The following SH3TC1 variants were observed in gnomAD, a reference collection of about 807,000 sequenced individuals.
The protein encoded by SH3TC1 is SH3 domain and tetratricopeptide repeat-containing protein 1.
SH3TC1 carries 135 observed loss-of-function variants against 117.3 expected under a neutral mutation model. The ratio of observed to expected loss-of-function variants is 1.15; its 90% CI spans 1.00 to 1.33. The LOEUF (loss-of-function observed/expected upper bound fraction) is 1.33, where lower values mean the gene tolerates loss of function less well. Among genes scored for constraint, SH3TC1 ranks in the 40% most tolerant of loss-of-function variants. The pLI is 0.00. For missense variants in SH3TC1, 2,092 were observed against 1,794.3 expected, an observed-to-expected ratio of 1.17 and a Z score of -3.00; for synonymous variants, 898 against 816.9, an observed-to-expected ratio of 1.10 and a Z score of -1.69.
chr4:8,239,235 C>G (rs1722093721), intron 17 of SH3TC1, among the ~76,000 whole-genome samples: 2 of 145,150 alleles, frequency 1.4e-5, no homozygotes, highest in African/African-American at 5.3e-5. Context: ...CACATGCACG[C>G]TGCACGCACA....
chr4:8,220,347 G>A (rs1488944894), intron 9 of SH3TC1, among the ~76,000 whole-genome samples: 2 of 151,850 alleles, frequency 1.3e-5, no homozygotes, highest in South Asian at 2.1e-4. Context: ...CCTGAACCCC[G>A]TGTTCTCCTG....
In SH3TC1 at chr4:8,209,702, G is replaced by A; in HGVS notation, c.173-46G>A. ...CGTTTGGCGCCTTCAGAGGAGCCAG[G>A]CCTTTGCTTGGTCTCCCCTAATCCT... On this transcript the variant is annotated intron_variant, in intron 2 of 17. Transcript: ENST00000245105. This position sits in a 1 kb window ranked among gnomAD's most constrained non-coding sequence, Gnocchi z 5.9. 6.2e-7 allele frequency: 1 copy of A among 1,612,078 alleles called. No homozygotes were observed.
chr4:8,217,066 A>C lies in SH3TC1; in HGVS notation c.738A>C (p.Gly246=), dbSNP rs1179291153. Residue 246 remains glycine, a synonymous_variant, in exon 7 of 18, where the codon GGA becomes GGC. Coordinates refer to ENST00000245105, the MANE Select transcript of SH3TC1 (RefSeq NM_018986.5). ...ALRQASGAPQ[G]EAAPETDSSP... ...GGCAGGCTTCGGGGGCACCCCAGGG[A>C]GAGGCGGCCCCGGAAACAGACTCTT... 2 of 1,612,940 alleles carry C rather than the reference A, an allele frequency of 1.2e-6. No individual in the cohort carries two copies. Among genetic ancestry groups the C allele is most frequent in the South Asian group, 2.2e-5 (2 of 90,940 alleles).
chr4:8,202,462 C>G (rs1343491674), intron 1 of SH3TC1, among the ~76,000 whole-genome samples: 1 of 152,252 alleles, frequency 6.6e-6, no homozygotes, highest in Non-Finnish European at 1.5e-5. Flanking sequence ...AACAGCTTCC[C>G]CGGAGGGTCT....
chr4:8,197,708 G>T (rs1717604377), upstream of SH3TC1, among the ~76,000 whole-genome samples: 1 of 102,098 alleles, frequency 9.8e-6, no homozygotes, highest in East Asian at 3.2e-4. Context: ...CCATCCTCGA[G>T]TTCTTTTCAG....
At chr4:8,199,190 C>T (rs1717671649), upstream of SH3TC1, 1 of 152,308 alleles carries the variant, frequency 6.6e-6, no homozygotes, top group Admixed American at 6.5e-5. Context: ...GCCTGCCTCT[C>T]CGTCACCGGC....
Position 8,227,333 on chromosome 4 carries a change from C to T in SH3TC1, c.1639C>T (p.Arg547Trp), listed in dbSNP as rs368778454. 3.7e-5 allele frequency: 59 copies of T among 1,605,216 alleles called. No individual in the cohort carries two copies. The highest frequency in any genetic ancestry group is 2.5e-4 in the East Asian group (11 of 44,802). The change falls in exon 12 of 18, where the codon CGG becomes TGG. Residue 547 changes from arginine (R) to tryptophan (W), a missense_variant. Coordinates refer to ENST00000245105, the MANE Select transcript of SH3TC1 (RefSeq NM_018986.5). The stretch of plus-strand genomic sequence containing the variant: ...GCTGACTGGGCGCCTGGCACAGGCC[C>T]GGGGGGCGGCCAAGAAAGCTGGCCT... ...EELTGRLAQARGAAKKAGLLM... is the reference protein window; with the variant it reads ...EELTGRLAQAWGAAKKAGLLM...
intron 1 of SH3TC1, among the ~76,000 whole-genome samples, chr4:8,188,957 C>G (rs141719325): frequency 1.1e-3 from 162 of 152,346 alleles, no homozygotes; most frequent in African/African-American, 3.7e-3. Context: ...ACACGTGGCT[C>G]GACACATGAG....
In SH3TC1 at chr4:8,227,989, T is replaced by G. The variant is rs1242470363; in HGVS notation, c.2295T>G (p.Thr765=). 6.2e-7 allele frequency: 1 copy of G among 1,612,206 alleles called. No individual in the cohort carries two copies. Among genetic ancestry groups the G allele is most frequent in the South Asian group, 1.1e-5 (1 of 91,034 alleles). The part of the protein sequence containing the change: ...APQPHSLPAQ[T]SHYLRQALAS... The stretch of plus-strand genomic sequence containing the variant: ...AGCCCCACAGCCTCCCTGCCCAAAC[T>G]TCCCACTACCTCAGGCAAGCGCTGG... Residue 765 remains threonine, a synonymous_variant, in exon 12 of 18, where the codon ACT becomes ACG. Transcript: ENST00000245105.
Position 8,227,567 on chromosome 4 carries a change from C to T in SH3TC1, c.1873C>T (p.Pro625Ser), listed in dbSNP as rs779326401. 2 of 1,522,336 alleles carry T rather than the reference C, an allele frequency of 1.3e-6. No homozygotes were observed. Among genetic ancestry groups the T allele is most frequent in the East Asian group, 4.5e-5 (2 of 44,174 alleles). The allele number at this position is 1,522,336 out of a possible 1,614,324, so 94.3% of individuals were successfully genotyped here. A position where few individuals can be genotyped will look rare whatever the true frequency, so the allele number is the denominator to read the frequency against. ...CCGGGAGAAGTGTGCACAGGTGGTGCCCAAAGCCATGGCCCTGCTCCTGGG... is the reference window on the plus strand; with the variant it reads ...CCGGGAGAAGTGTGCACAGGTGGTGTCCAAAGCCATGGCCCTGCTCCTGGG... ...KNREKCAQVV[P>S]KAMALLLGTP... The change falls in exon 12 of 18, where the codon CCC becomes TCC. Residue 625 changes from proline to serine, a missense_variant. Physicochemically the swap from Pro to Ser is moderately conservative, Grantham distance 74 (BLOSUM62 -1). Coordinates refer to ENST00000245105, the MANE Select transcript of SH3TC1 (RefSeq NM_018986.5).
At chr4:8,208,517 G>A (rs187746391) in intron 2 of SH3TC1, among the ~76,000 whole-genome samples, 144 of 152,122 alleles carry the variant, frequency 9.5e-4, no homozygotes, top group African/African-American at 2.9e-3. Context: ...ACAGGTGTGC[G>A]CCACCCTGCC....
chr4:8,228,211 G>T lies in SH3TC1; in HGVS notation c.2517G>T (p.Gly839=). 2 of 1,609,118 alleles carry T rather than the reference G, an allele frequency of 1.2e-6. No individual in the cohort carries two copies. Among genetic ancestry groups the T allele is most frequent in the Non-Finnish European group, 1.7e-6 (2 of 1,177,318 alleles). ...VALAWLHVLH[G]QSPVALDILQ... ...TGGCCTGGCTGCACGTGCTTCATGG[G>T]CAGAGCCCGGTGGCCCTGGACATCC... Residue 839 remains glycine (G), a synonymous_variant, in exon 12 of 18, where the codon GGG becomes GGT. Transcript: ENST00000245105.
chr4:8,227,241 G>A lies in SH3TC1; in HGVS notation c.1547G>A (p.Arg516His), dbSNP rs754319027. 7 of 1,590,128 alleles carry A rather than the reference G, an allele frequency of 4.4e-6. No homozygotes were observed. Among genetic ancestry groups the A allele is most frequent in the South Asian group, 3.4e-5 (3 of 88,834 alleles). The change falls in exon 12 of 18, where the codon CGT (arginine) becomes CAT (histidine). Residue 516 changes from arginine (R) to histidine (H), a missense_variant. Physicochemically the swap from Arg to His is conservative, Grantham distance 29. Transcript: ENST00000245105. ...LNAPGYKASF[R>H]GLYDVALPWL... ...GCCCCTGGGTACAAGGCCAGCTTCCGTGGCCTGTACGATGTGGCGCTGCCG... is the reference window on the plus strand; with the variant it reads ...GCCCCTGGGTACAAGGCCAGCTTCCATGGCCTGTACGATGTGGCGCTGCCG...
chr4:8,232,888 T>A, intron 13 of SH3TC1: 4 of 1,217,340 alleles, frequency 3.3e-6, no homozygotes, highest in Non-Finnish European at 4.2e-6. Context: ...CAGAGCAGCA[T>A]CCATGTCACC....
chr4:8,239,843 C>A (rs12510612), intron 17 of SH3TC1, among the ~76,000 whole-genome samples: 50,948 of 152,190 alleles, frequency 0.33, 10,237 homozygotes, highest in Non-Finnish European at 0.45. Context: ...ACGTTAGGCT[C>A]AGCCATGCAC....
At position 8,209,374 on chromosome 4, in the gene SH3TC1, G is replaced by T. The variant is rs749344807; in HGVS notation, c.173-374G>T. Among the ~76,000 whole-genome samples, 1 of 152,206 alleles carries T rather than the reference G, an allele frequency of 6.6e-6. No individual in the cohort carries two copies. Among genetic ancestry groups the T allele is most frequent in the African/African-American group, 2.4e-5 (1 of 41,456 alleles). ...GAAGTAGAAGTGGCGGCCACAAGCC[G>T]AGGGACGTGTGCGGCCTCTTGAAGG... is the stretch of plus-strand genomic sequence containing the variant. On this transcript the variant is annotated intron_variant, in intron 2 of 17. Coordinates refer to ENST00000245105, the MANE Select transcript of SH3TC1 (RefSeq NM_018986.5). This position sits in a 1 kb window ranked among gnomAD's most constrained non-coding sequence, Gnocchi z 5.9.
chr4:8,227,365 G>A lies in SH3TC1; in HGVS notation c.1671G>A (p.Met557Ile). The change falls in exon 12 of 18, where the codon ATG becomes ATA. Residue 557 changes from methionine (M) to isoleucine (I), a missense_variant. Met to Ile is a conservative substitution (Grantham distance 10). Coordinates refer to ENST00000245105, the MANE Select transcript of SH3TC1 (RefSeq NM_018986.5). The stretch of plus-strand genomic sequence containing the variant: ...CGGCCAAGAAAGCTGGCCTCCTCAT[G>A]GCCCTGGCCAGGCTCTGCTTCCTCC... ...RGAAKKAGLL[M>I]ALARLCFLLG... 6.3e-7 allele frequency: 1 copy of A among 1,575,434 alleles called. No homozygotes were observed. The highest frequency in any genetic ancestry group is 8.6e-7 in the Non-Finnish European group (1 of 1,161,022).
At chr4:8,236,716 C>T (rs1721853651) in intron 16 of SH3TC1, 1 of 377,480 alleles carries the variant, frequency 2.6e-6, no homozygotes, top group Non-Finnish European at 4.7e-6. Flanking sequence ...CCAGACATCT[C>T]GTTGGTCCCT....
At chr4:8,223,958 A>G (rs917556004) in intron 10 of SH3TC1, among the ~76,000 whole-genome samples, 3 of 152,140 alleles carry the variant, frequency 2.0e-5, no homozygotes, top group African/African-American at 4.8e-5. Context: ...TTGTATACCT[A>G]TGTGCACATG....
Sources: gnomAD v4.1 joint callset for allele counts (sites outside exome capture counted in the v4.1 genomes callset) on GRCh38, gnomAD v4.1.1 for gene constraint, Gnocchi (gnomAD v3.1) non-coding constraint, MANE v1.5 for transcripts, NCBI Gene and HGNC (gene_info 2026-07-23, HGNC 2026-07-21) for gene names.